The following RBFOX1 variants were observed in gnomAD, a reference collection of about 807,000 sequenced individuals.
The protein encoded by RBFOX1 is RNA binding fox-1 homolog 1.
In RBFOX1, 8 loss-of-function variants were observed where a neutral mutation model predicts 57.7. The observed-to-expected ratio is 0.14, with a 90% CI of 0.08 to 0.25. The LOEUF (loss-of-function observed/expected upper bound fraction) is 0.25. Ranked by LOEUF, RBFOX1 falls within the 10% of genes least tolerant of loss-of-function variation. The probability of loss-of-function intolerance (pLI) is 1.00; values close to 1 mark genes in which losing one functional copy is unlikely to be tolerated. For missense variants in RBFOX1, 611 were observed against 548.5 expected, an observed-to-expected ratio of 1.11 and a Z score of -1.14; for synonymous variants, 326 against 222.4, an observed-to-expected ratio of 1.47 and a Z score of -4.15.
intron 1 of RBFOX1, among the ~76,000 whole-genome samples, chr16:6,160,543 C>T (rs2096870623): frequency 6.6e-6 from 1 of 152,182 alleles, no homozygotes; most frequent in Non-Finnish European, 1.5e-5. Flanking sequence ...ACCAGAGCCT[C>T]ATACACAGAT....
intron 4 of RBFOX1, among the ~76,000 whole-genome samples, chr16:7,350,647 C>G (rs887048230): frequency 6.6e-6 from 1 of 152,094 alleles, no homozygotes; most frequent in Non-Finnish European, 1.5e-5. Flanking sequence ...TGAAGACGAC[C>G]AGTACCATGT....
At chr16:6,136,070 C>T (rs537575606) in intron 1 of RBFOX1, among the ~76,000 whole-genome samples, 33 of 152,148 alleles carry the variant, frequency 2.2e-4, no homozygotes, top group Non-Finnish European at 4.1e-4. Context: ...GCTGGGATTA[C>T]AGGCTTGAGC....
chr16:5,824,039 T>A (rs980045205), intron 3 of RBFOX1, among the ~76,000 whole-genome samples: 2 of 152,166 alleles, frequency 1.3e-5, no homozygotes, highest in Non-Finnish European at 2.9e-5. Flanking sequence ...TGTAGCCAGA[T>A]GGCCTGGTTT....
chr16:7,606,044 C>T (rs1158929908), intron 9 of RBFOX1, among the ~76,000 whole-genome samples: 1 of 151,800 alleles, frequency 6.6e-6, no homozygotes, highest in African/African-American at 2.4e-5. Context: ...CTCCCAACCT[C>T]AAGTAACCTG....
chr16:7,204,131 G>A (rs897680239), intron 4 of RBFOX1, among the ~76,000 whole-genome samples: 1 of 152,180 alleles, frequency 6.6e-6, no homozygotes, highest in South Asian at 2.1e-4. Flanking sequence ...CACCCACAGG[G>A]TATCTGCAGA....
chr16:5,898,527 T>TG lies in RBFOX1; in HGVS notation c.351+31192_351+31193insG, dbSNP rs1247803226. On this transcript the variant is annotated intron_variant, in intron 4 of 19. Transcript: ENST00000641259. Reference sequence around the variant, plus strand: ...TAATAATAAGCAACAGTAGCAGGGTTTTTTTTTTTTTGGTCATCTACATGT... The same window carrying TG: ...TAATAATAAGCAACAGTAGCAGGGTTGTTTTTTTTTTTGGTCATCTACATGT... Among the ~76,000 whole-genome samples, 4 of 146,958 alleles carry TG rather than the reference T, an allele frequency of 2.7e-5. No individual in the cohort carries two copies. The Middle Eastern group carries it at 0.01, about 380-fold the overall frequency.
intron 3 of RBFOX1, among the ~76,000 whole-genome samples, chr16:5,609,753 T>C (rs569661935): frequency 6.6e-6 from 1 of 151,718 alleles, no homozygotes; most frequent in South Asian, 2.1e-4. Flanking sequence ...CAAATGCTTT[T>C]CCCTAAGACT....
At chr16:6,862,389 A>T (rs1488476414) in intron 3 of RBFOX1, among the ~76,000 whole-genome samples, 1 of 152,294 alleles carries the variant, frequency 6.6e-6, no homozygotes, top group South Asian at 2.1e-4. Context: ...AGCAGGTTCA[A>T]TGAAATGGAG....
At chr16:6,385,015 C>A (rs1004314115) in intron 2 of RBFOX1, among the ~76,000 whole-genome samples, 2 of 152,178 alleles carry the variant, frequency 1.3e-5, no homozygotes, top group African/African-American at 4.8e-5. Context: ...AGCACCCCCT[C>A]CCTGTTTGCT....
In RBFOX1 at chr16:7,464,688, CTTTTTTTTT is replaced by C. The variant is rs57553411; in HGVS notation, c.28-53441_28-53433del. On this transcript the variant is annotated intron_variant, in intron 4 of 15. Transcript: ENST00000550418. ...CCGAAATACTTCTTGTATTGTCTGT[CTTTTTTTTT>C]TTTTTTTTTTTTTTTTTGAGACAGA... is the stretch of plus-strand genomic sequence containing the variant. 1.4e-4 allele frequency among the ~76,000 whole-genome samples: 9 copies of C among 62,270 alleles called. No homozygotes were observed. In the East Asian group the frequency reaches 2.5e-3, roughly 17 times the overall value. The allele number at this position is 62,270 out of a possible 152,430, so 40.9% of individuals were successfully genotyped here.
At chr16:7,420,298 A>G (rs777755479) in intron 4 of RBFOX1, among the ~76,000 whole-genome samples, 1 of 152,164 alleles carries the variant, frequency 6.6e-6, no homozygotes, top group Non-Finnish European at 1.5e-5. Flanking sequence ...TTGCCTCCCA[A>G]ACATGAGACA....
chr16:6,752,941 T>C (rs1023347706), intron 3 of RBFOX1, among the ~76,000 whole-genome samples: 1 of 152,176 alleles, frequency 6.6e-6, no homozygotes, highest in Admixed American at 6.5e-5. Flanking sequence ...GGTGTGAATA[T>C]GTAATAATTG....
At chr16:5,965,867 C>T (rs1272744366) in intron 4 of RBFOX1, among the ~76,000 whole-genome samples, 2 of 152,118 alleles carry the variant, frequency 1.3e-5, no homozygotes, top group Non-Finnish European at 2.9e-5. Flanking sequence ...CGTCAATCCT[C>T]CTTTCCTCCT....
At chr16:7,299,501 T>A (rs2095979425) in intron 4 of RBFOX1, among the ~76,000 whole-genome samples, 1 of 152,232 alleles carries the variant, frequency 6.6e-6, no homozygotes, top group Non-Finnish European at 1.5e-5. Flanking sequence ...TGTCATTACA[T>A]GCAAAGCAAT....
At chr16:6,799,217 C>G (rs879547763) in intron 3 of RBFOX1, among the ~76,000 whole-genome samples, 1 of 151,930 alleles carries the variant, frequency 6.6e-6, no homozygotes, top group Non-Finnish European at 1.5e-5. Context: ...TAGGGGAAAC[C>G]GTGCACAGCA....
intron 2 of RBFOX1, among the ~76,000 whole-genome samples, chr16:6,549,986 T>C (rs2096961225): frequency 6.6e-6 from 1 of 152,144 alleles, no homozygotes; most frequent in South Asian, 2.1e-4. Context: ...TTTCTGACAC[T>C]TTTTGAACAT....
chr16:6,480,083 A>G (rs1449167964), intron 2 of RBFOX1, among the ~76,000 whole-genome samples: 2 of 152,020 alleles, frequency 1.3e-5, no homozygotes, highest in African/African-American at 4.8e-5. Flanking sequence ...TGGTCTAGAA[A>G]AATGGGACTG....
chr16:5,789,440 T>A (rs2054615344), intron 3 of RBFOX1, among the ~76,000 whole-genome samples: 1 of 152,046 alleles, frequency 6.6e-6, no homozygotes, highest in South Asian at 2.1e-4. Flanking sequence ...TATGAGTGTG[T>A]GTGTATGAGA....
chr16:6,379,757 G>A (rs2091601017), intron 2 of RBFOX1, among the ~76,000 whole-genome samples: 1 of 152,088 alleles, frequency 6.6e-6, no homozygotes, highest in Non-Finnish European at 1.5e-5. Flanking sequence ...TGGCTTTGAG[G>A]AGAAAATCAT....
Sources: gnomAD v4.1 joint callset for allele counts (sites outside exome capture counted in the v4.1 genomes callset) on GRCh38, gnomAD v4.1.1 for gene constraint, MANE v1.5 for transcripts, NCBI Gene and HGNC (gene_info 2026-07-23, HGNC 2026-07-21) for gene names.